The following SARS1 variants were observed in gnomAD, a reference collection of about 807,000 sequenced individuals.
The protein encoded by SARS1 is serine--tRNA ligase, cytoplasmic.
Under a neutral mutation model 63.7 loss-of-function variants are expected in SARS1, and 25 were observed. That is an observed-to-expected ratio of 0.39 (90% CI 0.29 to 0.55). The LOEUF is 0.55. Among genes scored for constraint, SARS1 ranks in the 20% least tolerant of loss-of-function variants. The pLI is 0.62. For synonymous variants in SARS1, 231 were observed against 243.5 expected (o/e 0.95, Z 0.48); for missense variants, 417 against 649.7 (o/e 0.64, Z 3.89).
chr1:109,238,138 GTCT>G lies in SARS1; in HGVS notation c.*256_*258del. ...GGGGAGGGCTTAGGACTCTTCCTCAGTCTTCTTCCCCGGGCTTGAACCCCGCCT... is the reference window on the plus strand; with the variant it reads ...GGGGAGGGCTTAGGACTCTTCCTCAGTCTTCCCCGGGCTTGAACCCCGCCT... On this transcript the variant is annotated 3_prime_UTR_variant, in exon 11 of 11. Transcript: ENST00000234677. The G allele has an allele frequency of 2.0e-6, 1 of 500,458 alleles. No individual in the cohort carries two copies. Among genetic ancestry groups the G allele is most frequent in the South Asian group, 3.3e-5 (1 of 30,408 alleles). 31.0% of individuals were successfully genotyped at this position (500,458 alleles called of 1,614,324 possible). A position where few individuals can be genotyped will look rare whatever the true frequency, so the allele number is the denominator to read the frequency against.
chr1:109,226,662 TTA>T (rs1491278653), intron 2 of SARS1, among the ~76,000 whole-genome samples: 2 of 24,818 alleles, frequency 8.1e-5, no homozygotes, highest in Admixed American at 1.2e-3. Context: ...CCTGGCTAAT[TTA>T]AAAAAAAAAA....
intron 1 of SARS1, among the ~76,000 whole-genome samples, chr1:109,221,960 T>TTGTGTG (rs1553177401): frequency 9.9e-5 from 1 of 10,060 alleles, no homozygotes; most frequent in African/African-American, 1.5e-4. Flanking sequence ...GCTAATTTTT[T>TTGTGTG]TGTGTGTGTG....
intron 1 of SARS1, among the ~76,000 whole-genome samples, chr1:109,217,550 AATAT>A (rs113873923): frequency 6.7e-6 from 1 of 148,862 alleles, no homozygotes; most frequent in Admixed American, 6.7e-5. Context: ...TATATATATA[AATAT>A]ATATATAATT....
At chr1:109,228,687 T>C (rs1570759787) in intron 3 of SARS1, among the ~76,000 whole-genome samples, 1 of 152,350 alleles carries the variant, frequency 6.6e-6, no homozygotes, top group South Asian at 2.1e-4. Context: ...GAATTGTGTT[T>C]GGTTTATATA....
At chr1:109,232,268 A>G (rs1014696686) in intron 6 of SARS1, among the ~76,000 whole-genome samples, 3 of 152,074 alleles carry the variant, frequency 2.0e-5, no homozygotes, top group South Asian at 2.1e-4. Flanking sequence ...CTCCTTCTCA[A>G]CCATGGACCA....
rs980152946 is a variant in SARS1, at chr1:109,222,898, C to T, written c.137-1080C>T. Among the ~76,000 whole-genome samples, 5 of 152,250 alleles carry T rather than the reference C, an allele frequency of 3.3e-5. 1 individual carries two copies. Among genetic ancestry groups the T allele is most frequent in the Middle Eastern group, 6.8e-3 (2 of 294 alleles). On this transcript the variant is annotated intron_variant, in intron 1 of 10. Transcript: ENST00000234677. ...GGTGTGGTGGCGCACACCTGTAGTCCTAGCTGCCTGGGAGGCTGAGGTGGG... is the reference window on the plus strand; with the variant it reads ...GGTGTGGTGGCGCACACCTGTAGTCTTAGCTGCCTGGGAGGCTGAGGTGGG...
At chr1:109,230,145 A>T (rs573492081) in intron 4 of SARS1, among the ~76,000 whole-genome samples, 3 of 152,028 alleles carry the variant, frequency 2.0e-5, no homozygotes, top group African/African-American at 7.2e-5. Flanking sequence ...GTCCGCCCTC[A>T]TGTGGCCCTG....
In SARS1 at chr1:109,214,020, G is replaced by T; in HGVS notation, c.28G>T (p.Val10Leu). 1 of 1,613,778 alleles carries T rather than the reference G, an allele frequency of 6.2e-7. No homozygotes were observed. The highest frequency in any genetic ancestry group is 8.5e-7 in the Non-Finnish European group (1 of 1,179,870). MVLDLDLFRVDKGGDPALIR... is the reference protein window; with the variant it reads MVLDLDLFRLDKGGDPALIR... The stretch of plus-strand genomic sequence containing the variant: ...GGTGCTGGATCTGGATTTGTTTCGG[G>T]TGGATAAAGGAGGGGACCCAGCCCT... The change falls in exon 1 of 11, where the codon GTG becomes TTG. Residue 10 changes from valine (V) to leucine (L), a missense_variant. Physicochemically the swap from Val to Leu is conservative, Grantham distance 32. This residue lies in a region of SARS1 where 359 missense variants were observed against 529.6 expected (regional missense o/e 0.68). Transcript: ENST00000234677. This position sits in a 1 kb window ranked among gnomAD's most constrained non-coding sequence, Gnocchi z 4.6.
intron 1 of SARS1, among the ~76,000 whole-genome samples, chr1:109,220,650 T>C (rs966072341): frequency 8.5e-5 from 13 of 152,214 alleles, no homozygotes; most frequent in African/African-American, 3.1e-4. Context: ...CCTCTCCCAT[T>C]CTGTGGCTTG....
In SARS1 at chr1:109,214,434, C is replaced by G; in HGVS notation, c.136+306C>G. On this transcript the variant is annotated intron_variant, in intron 1 of 10. Coordinates refer to ENST00000234677, the MANE Select transcript of SARS1 (RefSeq NM_006513.4). This position sits in a 1 kb window ranked among gnomAD's most constrained non-coding sequence, Gnocchi z 4.6. ...CTGCCCCAGGGGTTGCCAGAACATG[C>G]CGGGGCGGGAGGTTGTGGGGTCTAC... 1.3e-6 allele frequency: 1 copy of G among 798,802 alleles called. No individual in the cohort carries two copies. 49.5% of individuals were successfully genotyped at this position (798,802 alleles called of 1,614,324 possible). A position where few individuals can be genotyped will look rare whatever the true frequency, so the allele number is the denominator to read the frequency against.
At chr1:109,215,612 C>T (rs1307179499) in intron 1 of SARS1, 2 of 980,972 alleles carry the variant, frequency 2.0e-6, no homozygotes, top group African/African-American at 3.5e-5. Flanking sequence ...GTCTTCAGGG[C>T]ACTTTATATT....
At chr1:109,223,849 G>A in intron 1 of SARS1, 129 bp from the exon 2 acceptor site, 1 of 708,158 alleles carries the variant, frequency 1.4e-6, no homozygotes, top group Non-Finnish European at 2.6e-6. Context: ...ACTTCATGAG[G>A]CAGATCCTTC....
intron 5 of SARS1, 64 bp downstream of exon 5, chr1:109,231,085 T>TA (rs1557718506): frequency 3.4e-4 from 135 of 394,680 alleles, no homozygotes; most frequent in African/African-American, 1.2e-3. Context: ...ATATATATAT[T>TA]TTTTTTTTTT....
chr1:109,237,944 G>T lies in SARS1; in HGVS notation c.*56G>T. Reference sequence around the variant, plus strand: ...CATTTCTGTCTGCTGAGATCTCAGAGCCTGCCCAACAGCAGGGAAGCCAAG... The same window carrying T: ...CATTTCTGTCTGCTGAGATCTCAGATCCTGCCCAACAGCAGGGAAGCCAAG... On this transcript the variant is annotated 3_prime_UTR_variant, in exon 11 of 11. Transcript: ENST00000234677. The surrounding 1 kb of genome is among the most constrained non-coding windows in gnomAD (Gnocchi z 4.1). 11 of 1,592,960 alleles carry T rather than the reference G, an allele frequency of 6.9e-6. No homozygotes were observed. Among genetic ancestry groups the T allele is most frequent in the Non-Finnish European group, 8.6e-6 (10 of 1,167,266 alleles).
chr1:109,220,186 G>T (rs1175023954), intron 1 of SARS1, among the ~76,000 whole-genome samples: 1 of 152,300 alleles, frequency 6.6e-6, no homozygotes, highest in South Asian at 2.1e-4. Context: ...ACATTCTTAT[G>T]TGTGTCTTTT....
chr1:109,230,328 A>G (rs968042695), intron 4 of SARS1, among the ~76,000 whole-genome samples: 1 of 152,144 alleles, frequency 6.6e-6, no homozygotes, highest in African/African-American at 2.4e-5. Flanking sequence ...CTCTTGGAAA[A>G]TCATCATTCC....
Position 109,235,521 on chromosome 1 carries a change from C to A in SARS1, c.969+90C>A. On this transcript the variant is annotated intron_variant, in intron 7 of 10. Transcript: ENST00000234677. This position sits in a 1 kb window ranked among gnomAD's most constrained non-coding sequence, Gnocchi z 4.7. ...TAGGATCTGTGTTGCTGAGGCCCAT[C>A]CTGGCTCCAGCTTTTCCTCTCATTG... 2 of 1,046,060 alleles carry A rather than the reference C, an allele frequency of 1.9e-6. No homozygotes were observed. The highest frequency in any genetic ancestry group is 1.5e-5 in the South Asian group (1 of 67,820). The allele number at this position is 1,046,060 out of a possible 1,614,324, so 64.8% of individuals were successfully genotyped here. A position where few individuals can be genotyped will look rare whatever the true frequency, so the allele number is the denominator to read the frequency against.
chr1:109,217,465 A>T (rs1201505494), intron 1 of SARS1, among the ~76,000 whole-genome samples: 1 of 151,748 alleles, frequency 6.6e-6, no homozygotes, highest in Non-Finnish European at 1.5e-5. Flanking sequence ...CAATATAAAA[A>T]ATATAAAGAG....
intron 6 of SARS1, among the ~76,000 whole-genome samples, chr1:109,232,735 C>G (rs584116): frequency 0.28 from 42,786 of 152,058 alleles, 6,253 homozygotes; most frequent in East Asian, 0.43. Context: ...TTCCTTTACT[C>G]GCTAAAACCT....
Sources: allele counts gnomAD v4.1 joint callset (sites outside exome capture counted in the v4.1 genomes callset), GRCh38; gene constraint gnomAD v4.1.1; regional missense constraint gnomAD v4.1.1; non-coding constraint Gnocchi (gnomAD v3.1); transcripts MANE v1.5; gene names NCBI Gene and HGNC (gene_info 2026-07-23, HGNC 2026-07-21).